ARFGEF1: variants seen among roughly 807,000 people sequenced by gnomAD.
ARFGEF1 encodes brefeldin A-inhibited guanine nucleotide-exchange protein 1.
Under a neutral mutation model 231.0 loss-of-function variants are expected in ARFGEF1, and 42 were observed. That is an observed-to-expected ratio of 0.18 (90% CI 0.14 to 0.24). The LOEUF (loss-of-function observed/expected upper bound fraction) is 0.24, where lower values mean the gene tolerates loss of function less well. Among genes scored for constraint, ARFGEF1 ranks in the 10% least tolerant of loss-of-function variants. The pLI is 1.00. For missense variants in ARFGEF1, 1,345 were observed against 2,192.0 expected (o/e 0.61, Z 7.72); for synonymous variants, 710 against 732.3 (o/e 0.97, Z 0.49).
intron 1 of ARFGEF1, among the ~76,000 whole-genome samples, chr8:67,303,444 C>T (rs1039377502): frequency 6.6e-6 from 1 of 152,196 alleles, no homozygotes; most frequent in Non-Finnish European, 1.5e-5. Flanking sequence ...AGCACAGTGG[C>T]TCATGCCTGT....
intron 5 of ARFGEF1, among the ~76,000 whole-genome samples, chr8:67,189,972 TG>T (rs1237664954): frequency 1.3e-5 from 2 of 152,178 alleles, no homozygotes; most frequent in African/African-American, 4.8e-5. Context: ...TTGGTGAGGA[TG>T]TGGGGAAATT....
intron 21 of ARFGEF1, 102 bp from the exon 22 acceptor site, chr8:67,238,595 G>T: frequency 7.1e-7 from 1 of 1,411,216 alleles, no homozygotes; most frequent in Non-Finnish European, 9.6e-7. Flanking sequence ...CTACACTATA[G>T]ATTATTTTAA....
intron 38 of ARFGEF1, chr8:67,200,114 G>A: frequency 4.8e-6 from 2 of 417,460 alleles, no homozygotes; most frequent in South Asian, 3.8e-5. Flanking sequence ...GATTCCTGGG[G>A]TCATAATGGG....
intron 7 of ARFGEF1, among the ~76,000 whole-genome samples, chr8:67,277,992 T>C (rs1805382328): frequency 6.6e-6 from 1 of 152,236 alleles, no homozygotes; most frequent in African/African-American, 2.4e-5. Context: ...TTATGTTCTT[T>C]GGAACACAGC....
At chr8:67,175,507 C>G in exon 6 of ARFGEF1, 30 of 1,558,438 alleles carry the variant, frequency 1.9e-5, no homozygotes, top group Non-Finnish European at 2.6e-5. Context: ...TGCATCTCTT[C>G]TATTGATTTC....
chr8:67,206,178 G>A (rs1048403807), intron 34 of ARFGEF1, among the ~76,000 whole-genome samples: 1 of 152,038 alleles, frequency 6.6e-6, no homozygotes, highest in African/African-American at 2.4e-5. Context: ...GGGAGGCCAA[G>A]GCAGGTGGAT....
intron 1 of ARFGEF1, among the ~76,000 whole-genome samples, chr8:67,333,807 A>T (rs1808215019): frequency 6.6e-6 from 1 of 152,152 alleles, no homozygotes; most frequent in African/African-American, 2.4e-5. Flanking sequence ...TCACAGTCAA[A>T]ACACAGTCAA....
intron 14 of ARFGEF1, among the ~76,000 whole-genome samples, chr8:67,261,912 C>T (rs900214116): frequency 6.7e-6 from 1 of 149,944 alleles, no homozygotes; most frequent in Non-Finnish European, 1.5e-5. Flanking sequence ...TCTCAGGCCT[C>T]ATGAGTAGCT....
At chr8:67,321,491 C>T (rs369304992) in intron 1 of ARFGEF1, among the ~76,000 whole-genome samples, 13 of 152,062 alleles carry the variant, frequency 8.5e-5, no homozygotes, top group Admixed American at 2.6e-4. Flanking sequence ...GATGGAGTCT[C>T]GCTCTGTCGC....
chr8:67,310,528 G>A (rs1202378231), intron 1 of ARFGEF1, among the ~76,000 whole-genome samples: 1 of 152,210 alleles, frequency 6.6e-6, no homozygotes, highest in Admixed American at 6.5e-5. Context: ...CCCCATCTGG[G>A]AAGTGAGGAG....
chr8:67,339,339 G>A (rs577840435), intron 1 of ARFGEF1, among the ~76,000 whole-genome samples: 1 of 151,846 alleles, frequency 6.6e-6, no homozygotes, highest in African/African-American at 2.4e-5. Context: ...CTCTTATTGT[G>A]TATCAGTGAC....
At chr8:67,250,621 G>A (rs1473232387) in intron 19 of ARFGEF1, among the ~76,000 whole-genome samples, 1 of 152,146 alleles carries the variant, frequency 6.6e-6, no homozygotes, top group Non-Finnish European at 1.5e-5. Flanking sequence ...ATCGGATTAT[G>A]ATCTTTAGCC....
chr8:67,300,812 C>T (rs1806452451), intron 3 of ARFGEF1, among the ~76,000 whole-genome samples: 1 of 151,666 alleles, frequency 6.6e-6, no homozygotes, highest in Admixed American at 6.6e-5. Flanking sequence ...CCACTGCACT[C>T]CAGCCCAGGC....
chr8:67,327,757 T>C (rs1807904804), intron 1 of ARFGEF1, among the ~76,000 whole-genome samples: 2 of 152,252 alleles, frequency 1.3e-5, no homozygotes, highest in South Asian at 4.1e-4. Flanking sequence ...TACCTACACA[T>C]ATTTGTTCTA....
chr8:67,238,986 ATT>A lies in ARFGEF1; in HGVS notation c.2980-95_2980-94del, dbSNP rs887682743. 7 of 883,202 alleles carry A rather than the reference ATT, an allele frequency of 7.9e-6. No individual in the cohort carries two copies. The African/African-American group carries it at 1.2e-4, about 16-fold the overall frequency. 54.7% of individuals were successfully genotyped at this position (883,202 alleles called of 1,614,324 possible). On this transcript the variant is annotated intron_variant, in intron 20 of 38. Coordinates refer to ENST00000262215, the MANE Select transcript of ARFGEF1 (RefSeq NM_006421.5). The stretch of plus-strand genomic sequence containing the variant: ...AAACTCTGTTTACTTGTTCAGTAAG[ATT>A]TTGTTTTTTTTTTTTTTAATTTATT...
chr8:67,337,213 T>C (rs184839117), intron 1 of ARFGEF1, among the ~76,000 whole-genome samples: 4 of 151,304 alleles, frequency 2.6e-5, no homozygotes, highest in East Asian at 3.9e-4. Context: ...TATTATATCA[T>C]CTGAAAATTC....
intron 1 of ARFGEF1, among the ~76,000 whole-genome samples, chr8:67,307,743 A>T (rs1463889514): frequency 6.6e-6 from 1 of 152,132 alleles, no homozygotes; most frequent in Admixed American, 6.5e-5. Context: ...ATATTTCCCA[A>T]AACGACCACT....
intron 5 of ARFGEF1, among the ~76,000 whole-genome samples, chr8:67,191,751 ACT>A (rs915529671): frequency 1.3e-5 from 2 of 152,026 alleles, no homozygotes; most frequent in African/African-American, 4.8e-5. Flanking sequence ...TGTTTTTATT[ACT>A]CTCGAATATA....
intron 5 of ARFGEF1, among the ~76,000 whole-genome samples, chr8:67,185,635 G>A (rs1316624547): frequency 2.6e-5 from 4 of 152,144 alleles, no homozygotes; most frequent in Non-Finnish European, 5.9e-5. Context: ...AGATGAAGAG[G>A]AGGATGTGAA....
Sources: gnomAD v4.1 joint callset for allele counts (sites outside exome capture counted in the v4.1 genomes callset) on GRCh38, gnomAD v4.1.1 for gene constraint, MANE v1.5 for transcripts, NCBI Gene and HGNC (gene_info 2026-07-23, HGNC 2026-07-21) for gene names.